Variants in PHIP observed in about 807,000 individuals in gnomAD.
PHIP encodes PH-interacting protein.
PHIP carries 54 observed loss-of-function variants against 236.8 expected under a neutral mutation model. The ratio of observed to expected loss-of-function variants is 0.23; its 90% CI spans 0.18 to 0.29. PHIP has a LOEUF of 0.29. Ranked by LOEUF, PHIP falls within the 10% of genes least tolerant of loss-of-function variation. The probability of loss-of-function intolerance (pLI) is 1.00; values close to 1 mark genes in which losing one functional copy is unlikely to be tolerated. For missense variants in PHIP, 1,370 were observed against 2,190.8 expected (o/e 0.63, Z 7.48); for synonymous variants, 756 against 718.9 (o/e 1.05, Z -0.83).
At chr6:78,942,276 A>G (rs983263990) in intron 39 of PHIP, among the ~76,000 whole-genome samples, 4 of 152,188 alleles carry the variant, frequency 2.6e-5, no homozygotes, top group Admixed American at 2.6e-4. Flanking sequence ...TGAGGTCAGG[A>G]GTTCGAGACC....
At chr6:79,047,554 C>G (rs1286678462) in intron 6 of PHIP, among the ~76,000 whole-genome samples, 2 of 152,140 alleles carry the variant, frequency 1.3e-5, no homozygotes, top group African/African-American at 4.8e-5. Context: ...TTAAGTCTGA[C>G]AGACCTGTGT....
intron 15 of PHIP, among the ~76,000 whole-genome samples, chr6:79,006,089 A>G (rs913921496): frequency 6.6e-6 from 1 of 152,048 alleles, no homozygotes; most frequent in African/African-American, 2.4e-5. Context: ...GGAGAAAATG[A>G]AAGTATATTT....
At chr6:79,001,173 G>A (rs948546843) in intron 17 of PHIP, among the ~76,000 whole-genome samples, 3 of 151,850 alleles carry the variant, frequency 2.0e-5, no homozygotes, top group African/African-American at 7.3e-5. Context: ...TGACAAAACT[G>A]GTTTAACCTT....
At chr6:78,956,591 C>T (rs745869986) in intron 32 of PHIP, 5 of 152,184 alleles carry the variant, frequency 3.3e-5, no homozygotes, top group Non-Finnish European at 5.9e-5. Flanking sequence ...CGATGTGGCC[C>T]CAACTCAGAT....
At position 78,940,556 on chromosome 6, in the gene PHIP, T is replaced by TTTTTGTTTGTTTTG; in HGVS notation, c.*136_*137insCAAAACAAACAAAA. ...AAGTGTCTCGTAAGTTTGTTTTTTT[T>TTTTTGTTTGTTTTG]TTTTTTTTTTTTTTTGCAAATCAAA... On this transcript the variant is annotated 3_prime_UTR_variant, in exon 40 of 40. Transcript: ENST00000275034. The TTTTTGTTTGTTTTG allele has an allele frequency of 1.1e-5, 2 of 177,966 alleles. No individual in the cohort carries two copies. Among genetic ancestry groups the TTTTTGTTTGTTTTG allele is most frequent in the Admixed American group, 1.3e-4 (2 of 14,946 alleles). The allele number at this position is 177,966 out of a possible 1,614,324, so 11.0% of individuals were successfully genotyped here.
At chr6:78,944,829 C>A (rs1773712563) in intron 39 of PHIP, among the ~76,000 whole-genome samples, 2 of 152,140 alleles carry the variant, frequency 1.3e-5, no homozygotes, top group African/African-American at 4.8e-5. Context: ...TATTTACCTT[C>A]TTCATCTTTC....
At chr6:78,968,731 AAATT>A (rs144326293) in intron 27 of PHIP, among the ~76,000 whole-genome samples, 67,920 of 151,760 alleles carry the variant, frequency 0.45, 15,815 homozygotes, top group East Asian at 0.69. Flanking sequence ...GTTTTCCCTA[AAATT>A]AATAATTGCT....
At chr6:78,965,869 CTT>C (rs1767093481) in intron 28 of PHIP, 74 bp downstream of exon 28, 1 of 1,217,562 alleles carries the variant, frequency 8.2e-7, no homozygotes, top group African/African-American at 1.5e-5. Context: ...AAAGAAGTCT[CTT>C]TATCTCTTAA....
rs1012324864 is a variant in PHIP, at chr6:78,935,359, A to G, written c.*5334T>C. 2.0e-5 allele frequency: 4 copies of G among 202,314 alleles called. No homozygotes were observed. The highest frequency in any genetic ancestry group is 6.5e-5 in the Admixed American group (1 of 15,342). The allele number at this position is 202,314 out of a possible 1,614,324, so 12.5% of individuals were successfully genotyped here. A position where few individuals can be genotyped will look rare whatever the true frequency, so the allele number is the denominator to read the frequency against. ...TATGTATTCATATCTAATGGTCTTC[A>G]TGCTAAAATTGGGATTCTTAGTCAA... On this transcript the variant is annotated 3_prime_UTR_variant, in exon 40 of 40. Coordinates refer to ENST00000275034, the MANE Select transcript of PHIP (RefSeq NM_017934.7).
chr6:79,018,020 C>T (rs1433571237), intron 10 of PHIP, among the ~76,000 whole-genome samples: 1 of 151,906 alleles, frequency 6.6e-6, no homozygotes, highest in African/African-American at 2.4e-5. Flanking sequence ...AGGCTGCTCT[C>T]TTCAGAACTC....
chr6:79,033,294 T>C (rs1771763383), intron 7 of PHIP, among the ~76,000 whole-genome samples: 1 of 152,220 alleles, frequency 6.6e-6, no homozygotes, highest in South Asian at 2.1e-4. Flanking sequence ...AGCCTGCTTT[T>C]TGAAGCTTTG....
chr6:79,077,984 G>A lies in PHIP; in HGVS notation c.40+45C>T, dbSNP rs758825914. ...GGCGGCGGGGGGCGGGGGACCGCGG[G>A]CGGAATCGCCCGGTGCCAGCGGCCC... On this transcript the variant is annotated intron_variant, in intron 1 of 39. Coordinates refer to ENST00000275034, the MANE Select transcript of PHIP (RefSeq NM_017934.7). The A allele has an allele frequency of 3.0e-5, 48 of 1,602,888 alleles. No individual in the cohort carries two copies. In the Middle Eastern group the frequency reaches 6.6e-4, roughly 22 times the overall value.
chr6:78,970,743 T>A (rs775323426), intron 25 of PHIP, 38 bp downstream of exon 25: 5 of 1,294,116 alleles, frequency 3.9e-6, no homozygotes, highest in Non-Finnish European at 5.5e-6. Context: ...TCCATAATTG[T>A]ATTTTTGGGG....
At chr6:78,945,655 T>G in intron 38 of PHIP, 158 bp from the exon 39 acceptor site, 2 of 637,454 alleles carry the variant, frequency 3.1e-6, no homozygotes, top group South Asian at 4.0e-5. Context: ...AAAAGGCGTA[T>G]CCAACTAGAA....
intron 22 of PHIP, among the ~76,000 whole-genome samples, chr6:78,984,105 C>A (rs900403683): frequency 6.6e-6 from 1 of 152,070 alleles, no homozygotes; most frequent in Non-Finnish European, 1.5e-5. Context: ...GCAGATTTTT[C>A]TGGAGCTTTA....
intron 35 of PHIP, among the ~76,000 whole-genome samples, chr6:78,950,820 T>G (rs1438236928): frequency 8.3e-6 from 1 of 119,880 alleles, no homozygotes; most frequent in Non-Finnish European, 1.8e-5. Flanking sequence ...TTTTCTTTAT[T>G]GTTTTTCTTT....
intron 7 of PHIP, among the ~76,000 whole-genome samples, chr6:79,041,726 T>A (rs1016203012): frequency 6.6e-6 from 1 of 152,124 alleles, no homozygotes; most frequent in African/African-American, 2.4e-5. Flanking sequence ...AGATGCCTAT[T>A]TTCCACTCTG....
intron 15 of PHIP, among the ~76,000 whole-genome samples, chr6:79,011,569 C>T (rs1770577196): frequency 6.6e-6 from 1 of 151,700 alleles, no homozygotes; most frequent in Admixed American, 6.6e-5. Flanking sequence ...AAAACATCAT[C>T]TCACGTGTCA....
At chr6:79,011,321 T>C (rs562801675) in intron 15 of PHIP, among the ~76,000 whole-genome samples, 1 of 152,014 alleles carries the variant, frequency 6.6e-6, no homozygotes, top group East Asian at 1.9e-4. Flanking sequence ...GCCTAGAATG[T>C]AGTTTGTTTG....
Sources: allele counts gnomAD v4.1 joint callset (sites outside exome capture counted in the v4.1 genomes callset), GRCh38; gene constraint gnomAD v4.1.1; transcripts MANE v1.5; gene names NCBI Gene and HGNC (gene_info 2026-07-23, HGNC 2026-07-21).